The following CERS6 variants were observed in gnomAD, a reference collection of about 807,000 sequenced individuals.
CERS6 encodes ceramide synthase 6, also known as LAG1 homolog, ceramide synthase 6.
A neutral mutation model predicts 56.8 loss-of-function variants in CERS6; 26 were observed. That is an observed-to-expected ratio of 0.46 (90% confidence interval 0.34 to 0.63). CERS6 has a LOEUF of 0.63. CERS6 is among the 30% of genes least tolerant of loss of function. The pLI, the probability that CERS6 is intolerant of heterozygous loss-of-function variation, is 0.01. For missense variants in CERS6, 415 were observed against 467.5 expected (o/e 0.89, Z 1.04); for synonymous variants, 164 against 173.3 (o/e 0.95, Z 0.42).
rs145531749 is a variant in CERS6 at position 168,663,867 on chromosome 2, C to CT, written c.466-27164dup. Among the ~76,000 whole-genome samples, 209 of 151,890 alleles carry CT rather than the reference C, an allele frequency of 1.4e-3. 1 individual carries two copies. The highest frequency in any genetic ancestry group is 4.8e-3 in the African/African-American group (197 of 41,428). On this transcript the variant is annotated intron_variant, in intron 4 of 9. Coordinates refer to ENST00000305747, the MANE Select transcript of CERS6 (RefSeq NM_203463.3). ...TTTGTTTGTTGCTTTGTTTTTTGGT[C>CT]TTTGGTAGAATTTGGGTCAGTTAAA...
intron 4 of CERS6, among the ~76,000 whole-genome samples, chr2:168,657,597 C>T (rs982184075): frequency 1.1e-4 from 17 of 152,362 alleles, no homozygotes; most frequent in East Asian, 5.8e-4. Flanking sequence ...GGAAGGCAGC[C>T]AAGGCCCGGC....
intron 3 of CERS6, among the ~76,000 whole-genome samples, chr2:168,563,426 C>T (rs1695827696): frequency 6.6e-6 from 1 of 152,102 alleles, no homozygotes; most frequent in Non-Finnish European, 1.5e-5. Flanking sequence ...TTTCTTCCCT[C>T]AAGAAATTTG....
At chr2:168,469,329 C>G (rs1182300801) in intron 1 of CERS6, among the ~76,000 whole-genome samples, 2 of 152,080 alleles carry the variant, frequency 1.3e-5, no homozygotes, top group Non-Finnish European at 2.9e-5. Context: ...TTTAACAAAC[C>G]TGCTCATTTC....
At chr2:168,699,314 C>A (rs886780061) in intron 6 of CERS6, among the ~76,000 whole-genome samples, 9 of 152,130 alleles carry the variant, frequency 5.9e-5, no homozygotes, top group African/African-American at 1.2e-4. Flanking sequence ...TTGAAGACAC[C>A]CATTGGCAAT....
intron 4 of CERS6, among the ~76,000 whole-genome samples, chr2:168,690,603 G>T (rs1407825040): frequency 6.6e-6 from 1 of 152,102 alleles, no homozygotes; most frequent in African/African-American, 2.4e-5. Flanking sequence ...GAATAATGTC[G>T]CTTGGTAAAC....
intron 6 of CERS6, among the ~76,000 whole-genome samples, chr2:168,711,449 G>A (rs1194668378): frequency 1.3e-5 from 2 of 152,176 alleles, no homozygotes; most frequent in Non-Finnish European, 1.5e-5. Flanking sequence ...TAATTGTATA[G>A]ATAGCCAGAC....
intron 1 of CERS6, among the ~76,000 whole-genome samples, chr2:168,505,423 C>G (rs1410881991): frequency 6.6e-6 from 1 of 151,154 alleles, no homozygotes; most frequent in Non-Finnish European, 1.5e-5. Flanking sequence ...AAATATGAGC[C>G]TGATGCTGCT....
intron 1 of CERS6, among the ~76,000 whole-genome samples, chr2:168,461,169 G>A (rs1454590730): frequency 6.6e-6 from 1 of 152,158 alleles, no homozygotes; most frequent in African/African-American, 2.4e-5. Context: ...TATTTTAAAA[G>A]ACTGTTTGGG....
intron 1 of CERS6, among the ~76,000 whole-genome samples, chr2:168,481,176 G>T (rs1343672313): frequency 6.6e-6 from 1 of 152,226 alleles, no homozygotes; most frequent in African/African-American, 2.4e-5. Context: ...AACACTTTGG[G>T]AGGCTGAGGT....
At chr2:168,477,776 G>T (rs769760256) in intron 1 of CERS6, among the ~76,000 whole-genome samples, 5 of 152,228 alleles carry the variant, frequency 3.3e-5, no homozygotes, top group Non-Finnish European at 5.9e-5. Context: ...GTTTCTAACA[G>T]TATGATTGAA....
Position 168,631,012 on chromosome 2 carries a change from A to G in CERS6, c.435A>G (p.Val145=), listed in dbSNP as rs1447503405. The change falls in exon 4 of 10, where the codon GTA becomes GTG. Residue 145 remains valine (V), a synonymous_variant. Coordinates refer to ENST00000305747, the MANE Select transcript of CERS6 (RefSeq NM_203463.3). The part of the protein sequence containing the change: ...SMWRFSFYLY[V]FTYGVRFLKK... ...GGAGATTTTCATTTTACCTTTATGT[A>G]TTTACCTACGGAGTCAGATTCCTGA... The G allele has an allele frequency of 1.3e-6, 2 of 1,534,062 alleles. No homozygotes were observed. The highest frequency in any genetic ancestry group is 8.9e-7 in the Non-Finnish European group (1 of 1,125,880).
At chr2:168,610,726 A>G (rs570020645) in intron 3 of CERS6, among the ~76,000 whole-genome samples, 45 of 152,318 alleles carry the variant, frequency 3.0e-4, no homozygotes, top group African/African-American at 1.0e-3. Flanking sequence ...TTATACTGTT[A>G]AAGAGTTTAA....
chr2:168,467,488 T>A (rs913702945), intron 1 of CERS6, among the ~76,000 whole-genome samples: 9 of 152,232 alleles, frequency 5.9e-5, no homozygotes, highest in Non-Finnish European at 1.0e-4. Flanking sequence ...ATATTTAAAT[T>A]GTGTTGCTCT....
At chr2:168,678,626 C>A (rs1686130601) in intron 4 of CERS6, among the ~76,000 whole-genome samples, 1 of 152,152 alleles carries the variant, frequency 6.6e-6, no homozygotes, top group African/African-American at 2.4e-5. Context: ...GCTCTCCATT[C>A]CTGGTGGGGG....
intron 8 of CERS6, among the ~76,000 whole-genome samples, chr2:168,720,096 T>A (rs913643457): frequency 6.9e-6 from 1 of 145,358 alleles, no homozygotes; most frequent in Admixed American, 6.9e-5. Flanking sequence ...CCGGTCTAAT[T>A]TTTTTTTTTT....
intron 4 of CERS6, among the ~76,000 whole-genome samples, chr2:168,682,516 G>T (rs1686244695): frequency 2.0e-5 from 3 of 152,096 alleles, no homozygotes; most frequent in African/African-American, 7.2e-5. Context: ...AGCTCATCTG[G>T]TTTTAGCATA....
intron 3 of CERS6, among the ~76,000 whole-genome samples, chr2:168,616,146 A>C (rs909988119): frequency 5.9e-5 from 9 of 152,200 alleles, no homozygotes; most frequent in African/African-American, 2.2e-4. Flanking sequence ...GGAAAGATAC[A>C]GTCTTTTTCG....
At chr2:168,594,712 C>T (rs767007086) in intron 3 of CERS6, among the ~76,000 whole-genome samples, 1 of 152,208 alleles carries the variant, frequency 6.6e-6, no homozygotes, top group Non-Finnish European at 1.5e-5. Context: ...CAACTCAGGT[C>T]ATGTTATTAC....
chr2:168,571,676 A>C (rs1695990039), intron 3 of CERS6, among the ~76,000 whole-genome samples: 5 of 152,112 alleles, frequency 3.3e-5, no homozygotes, highest in Admixed American at 1.3e-4. Context: ...TGATTTTTAA[A>C]ATTTTTGTAG....
Sources: gnomAD v4.1 joint callset for allele counts (sites outside exome capture counted in the v4.1 genomes callset) on GRCh38, gnomAD v4.1.1 for gene constraint, MANE v1.5 for transcripts, NCBI Gene and HGNC (gene_info 2026-07-23, HGNC 2026-07-21) for gene names.